SPATS1: variants seen among roughly 807,000 people sequenced by gnomAD.
SPATS1 encodes spermatogenesis-associated serine-rich protein 1.
Under a neutral mutation model 33.6 loss-of-function variants are expected in SPATS1, and 23 were observed. The observed-to-expected ratio is 0.68, with a 90% CI of 0.49 to 0.97. The LOEUF (loss-of-function observed/expected upper bound fraction) is 0.97. SPATS1 is among the 50% of genes least tolerant of loss of function. The pLI is 0.00. For synonymous variants in SPATS1, 131 were observed against 125.6 expected, an observed-to-expected ratio of 1.04 and a Z score of -0.29; for missense variants, 327 against 361.0, an observed-to-expected ratio of 0.91 and a Z score of 0.76.
At chr6:44,343,342 T>G in intron 2 of SPATS1, 108 bp downstream of exon 2, 17 of 1,274,804 alleles carry the variant, frequency 1.3e-5, no homozygotes, top group Non-Finnish European at 1.7e-5. Flanking sequence ...AGAAGGAAGC[T>G]AGTTTGGGGG....
At position 44,379,366 on chromosome 6, in the gene SPATS1, G is replaced by C. The variant is rs1004686945; in HGVS notation, c.*2303G>C. Among the ~76,000 whole-genome samples, 4 of 151,932 alleles carry C rather than the reference G, an allele frequency of 2.6e-5. No homozygotes were observed. Among genetic ancestry groups the C allele is most frequent in the African/African-American group, 9.7e-5 (4 of 41,354 alleles). On this transcript the variant is annotated 3_prime_UTR_variant, in exon 9 of 9. Transcript: ENST00000674044. ...AGCACTTTGGGAGGCCGAGGCAGGC[G>C]GATCACGAGGTCAGGAGATCGAGAC...
intron 5 of SPATS1, 105 bp downstream of exon 5, chr6:44,362,097 C>T: frequency 7.2e-7 from 1 of 1,396,908 alleles, no homozygotes; most frequent in Non-Finnish European, 1.0e-6. Context: ...TGTAGAGTCA[C>T]CATGTTCCCC....
In SPATS1 at chr6:44,378,812, C is replaced by G. The variant is rs1391498330; in HGVS notation, c.*1749C>G. 6.6e-6 allele frequency: 1 copy of G among 152,284 alleles called. No homozygotes were observed. Among genetic ancestry groups the G allele is most frequent in the Non-Finnish European group, 1.5e-5 (1 of 68,184 alleles). 9.4% of individuals were successfully genotyped at this position (152,284 alleles called of 1,614,324 possible). On this transcript the variant is annotated 3_prime_UTR_variant, in exon 9 of 9. Transcript: ENST00000674044. ...AACAAAAACCACAATGCATTCATGG[C>G]ACCTTCATATGTGCCTCTAGACTAA...
chr6:44,359,009 CA>C (rs1788746861), intron 3 of SPATS1, among the ~76,000 whole-genome samples: 1 of 152,120 alleles, frequency 6.6e-6, no homozygotes, highest in African/African-American at 2.4e-5. Context: ...AGTGCAGTGG[CA>C]TAGTCACTGC....
At chr6:44,369,934 A>G (rs1561960437) in intron 6 of SPATS1, 117 bp from the exon 7 acceptor site, 7 of 561,984 alleles carry the variant, frequency 1.2e-5, no homozygotes, top group Middle Eastern at 5.2e-4. Context: ...ACAGTTTTGA[A>G]GTCAATACTT....
chr6:44,344,395 G>A (rs1463781331), intron 2 of SPATS1, among the ~76,000 whole-genome samples: 1 of 146,036 alleles, frequency 6.8e-6, no homozygotes, highest in African/African-American at 2.5e-5. Flanking sequence ...AGATACGTGT[G>A]TGTGTGTGTG....
chr6:44,356,213 T>C (rs1583083238), intron 3 of SPATS1, among the ~76,000 whole-genome samples: 2 of 152,158 alleles, frequency 1.3e-5, no homozygotes, highest in South Asian at 2.1e-4. Flanking sequence ...TCCAAAGGTA[T>C]AGATTGACAG....
At chr6:44,355,277 T>A (rs922850259) in intron 3 of SPATS1, among the ~76,000 whole-genome samples, 3 of 152,124 alleles carry the variant, frequency 2.0e-5, no homozygotes, top group Non-Finnish European at 4.4e-5. Flanking sequence ...CTTTTCAGAT[T>A]GGCTTCCCTC....
intron 3 of SPATS1, among the ~76,000 whole-genome samples, chr6:44,359,473 AG>A (rs1439185195): frequency 6.6e-6 from 1 of 152,172 alleles, no homozygotes; most frequent in African/African-American, 2.4e-5. Context: ...ATTTCATATA[AG>A]TGGAATCACA....
At chr6:44,369,086 C>T (rs1468931875) in intron 6 of SPATS1, among the ~76,000 whole-genome samples, 8 of 151,880 alleles carry the variant, frequency 5.3e-5, no homozygotes, top group South Asian at 4.2e-4. Flanking sequence ...TCAGTAGAGA[C>T]GGGGTTTCAC....
At chr6:44,376,692 C>G (rs548445334) in intron 8 of SPATS1, among the ~76,000 whole-genome samples, 33 of 152,142 alleles carry the variant, frequency 2.2e-4, no homozygotes, top group Non-Finnish European at 4.3e-4. Flanking sequence ...CCCAGCTACT[C>G]AGGAGGCTGA....
At chr6:44,376,261 G>A in intron 7 of SPATS1, 97 bp from the exon 8 acceptor site, 1 of 688,314 alleles carries the variant, frequency 1.5e-6, no homozygotes, top group Non-Finnish European at 2.5e-6. Context: ...TAAATTGGAG[G>A]TCTTTTTACT....
intron 5 of SPATS1, among the ~76,000 whole-genome samples, chr6:44,363,132 C>A (rs1430568183): frequency 7.9e-6 from 1 of 127,206 alleles, no homozygotes; most frequent in East Asian, 2.2e-4. Flanking sequence ...CCACCGTGCC[C>A]AGCACTTTTT....
chr6:44,375,458 C>T (rs1789876495), intron 7 of SPATS1, among the ~76,000 whole-genome samples: 1 of 152,078 alleles, frequency 6.6e-6, no homozygotes, highest in African/African-American at 2.4e-5. Flanking sequence ...TAAGAAATGC[C>T]CTAATTTCTG....
chr6:44,366,613 T>C (rs1431355702), intron 5 of SPATS1, among the ~76,000 whole-genome samples: 1 of 152,242 alleles, frequency 6.6e-6, no homozygotes, highest in African/African-American at 2.4e-5. Context: ...ACCACTGTTC[T>C]ATAGTATATG....
chr6:44,374,328 G>A (rs1754300279), intron 7 of SPATS1, among the ~76,000 whole-genome samples: 1 of 152,186 alleles, frequency 6.6e-6, no homozygotes. Flanking sequence ...GAGAGTTAAG[G>A]TGTCTGAATA....
chr6:44,346,375 G>A (rs148463919), intron 2 of SPATS1, among the ~76,000 whole-genome samples: 67 of 151,988 alleles, frequency 4.4e-4, no homozygotes, highest in African/African-American at 1.4e-3. Flanking sequence ...TTGGCTATAT[G>A]TATGTGTTAT....
intron 3 of SPATS1, 104 bp from the exon 4 acceptor site, chr6:44,360,342 G>A: frequency 2.1e-6 from 3 of 1,417,108 alleles, no homozygotes; most frequent in Non-Finnish European, 2.9e-6. Flanking sequence ...TAGAGGAGTA[G>A]TCCCAGTTCT....
At chr6:44,348,409 A>G (rs916479899) in intron 2 of SPATS1, among the ~76,000 whole-genome samples, 9 of 151,070 alleles carry the variant, frequency 6.0e-5, no homozygotes, top group Non-Finnish European at 1.2e-4. Flanking sequence ...TTCTGCTTTT[A>G]TGATTTTATT....
Sources: allele counts gnomAD v4.1 joint callset (sites outside exome capture counted in the v4.1 genomes callset), GRCh38; gene constraint gnomAD v4.1.1; transcripts MANE v1.5; gene names NCBI Gene and HGNC (gene_info 2026-07-23, HGNC 2026-07-21).